The following ABCA4 variants were observed in gnomAD, a reference collection of about 807,000 sequenced individuals.
ABCA4 encodes ATP binding cassette subfamily A member 4.
A neutral mutation model predicts 263.7 loss-of-function variants in ABCA4; 196 were observed. That is an observed-to-expected ratio of 0.74 (90% CI 0.66 to 0.84). ABCA4 has a LOEUF of 0.84. ABCA4 is among the 40% of genes least tolerant of loss of function. The pLI is 0.00. For synonymous variants in ABCA4, 1,133 were observed against 1,094.2 expected (o/e 1.04, Z -0.70); for missense variants, 2,792 against 2,855.1 (o/e 0.98, Z 0.50).
At chr1:94,052,509 C>T (rs1224877011) in intron 16 of ABCA4, among the ~76,000 whole-genome samples, 1 of 152,204 alleles carries the variant, frequency 6.6e-6, no homozygotes, top group African/African-American at 2.4e-5. Context: ...CCTGCTGAGC[C>T]TCATGCACAG....
intron 39 of ABCA4, 24 bp from the exon 40 acceptor site, chr1:94,010,953 C>T: frequency 1.2e-6 from 2 of 1,613,972 alleles, no homozygotes; most frequent in Non-Finnish European, 1.7e-6. Context: ...GGAATTGAGT[C>T]CACTTCAGCC....
At chr1:94,073,992 G>C (rs529552624) in intron 11 of ABCA4, among the ~76,000 whole-genome samples, 1 of 152,284 alleles carries the variant, frequency 6.6e-6, no homozygotes, top group Non-Finnish European at 1.5e-5. Context: ...GGGCTTAGCA[G>C]GTAGAGGCAC....
At chr1:93,999,818 A>G (rs371332369) in intron 47 of ABCA4, among the ~76,000 whole-genome samples, 21 of 152,318 alleles carry the variant, frequency 1.4e-4, no homozygotes, top group African/African-American at 5.1e-4. Context: ...AGCTGGAGGG[A>G]AAGGAATAGG....
chr1:94,055,303 G>C lies in ABCA4; in HGVS notation c.2395C>G (p.Pro799Ala). ...ELKKAVSLLS[P>A]VAFGFGTEYL... ...TCAGTGCCAAATCCAAATGCCACCG[G>C]AGACAGTAAGCTCTGCAGTGAGGCG... is the stretch of plus-strand genomic sequence containing the variant. The change falls in exon 16 of 50, where the codon CCG becomes GCG. Residue 799 changes from proline (P) to alanine (A), a missense_variant. By Grantham distance (27) the Pro-to-Ala change is conservative. Transcript: ENST00000370225. The C allele has an allele frequency of 6.2e-7, 1 of 1,614,106 alleles. No individual in the cohort carries two copies. The highest frequency in any genetic ancestry group is 8.5e-7 in the Non-Finnish European group (1 of 1,180,018).
intron 11 of ABCA4, among the ~76,000 whole-genome samples, chr1:94,071,494 C>T (rs1001980137): frequency 2.2e-4 from 34 of 152,316 alleles, no homozygotes; most frequent in East Asian, 3.9e-4. Context: ...CTCATCAGAG[C>T]CAGGCAGCTC....
intron 32 of ABCA4, 29 bp downstream of exon 32, chr1:94,023,357 T>C: frequency 1.9e-6 from 3 of 1,574,642 alleles, no homozygotes; most frequent in Non-Finnish European, 2.6e-6. Flanking sequence ...CAATCTGAGA[T>C]TTTAATTCTG....
chr1:94,105,242 C>T (rs1445331583), intron 4 of ABCA4, among the ~76,000 whole-genome samples: 1 of 152,192 alleles, frequency 6.6e-6, no homozygotes, highest in Non-Finnish European at 1.5e-5. Flanking sequence ...GTTGTCTTGA[C>T]CTGACAGTCA....
chr1:94,072,956 G>A (rs1373098104), intron 11 of ABCA4, among the ~76,000 whole-genome samples: 1 of 152,126 alleles, frequency 6.6e-6, no homozygotes, highest in Non-Finnish European at 1.5e-5. Flanking sequence ...AGAAATGCCA[G>A]CATGGTGGTT....
At chr1:94,051,103 C>T (rs1660828732) in intron 17 of ABCA4, among the ~76,000 whole-genome samples, 1 of 152,054 alleles carries the variant, frequency 6.6e-6, no homozygotes, top group African/African-American at 2.4e-5. Flanking sequence ...AGCCTTTTTC[C>T]CCACCCCTAA....
At chr1:94,023,543 A>C (rs896448663) in intron 31 of ABCA4, 125 bp from the exon 32 acceptor site, 1 of 847,938 alleles carries the variant, frequency 1.2e-6, no homozygotes, top group African/African-American at 1.7e-5. Context: ...GCATTTTCCG[A>C]TATCCAAGCA....
At chr1:94,056,100 C>A (rs1660971220) in intron 15 of ABCA4, among the ~76,000 whole-genome samples, 1 of 152,248 alleles carries the variant, frequency 6.6e-6, no homozygotes, top group South Asian at 2.1e-4. Flanking sequence ...GAGCCTGACT[C>A]TGTGGACAGT....
rs10874825 is a variant in ABCA4, at chr1:93,998,211, C to T, written c.6480-101G>A. Reference sequence around the variant, plus strand: ...CTCATCAGAAATTTTGGGGATTAAGCTCAGCTTGGTGGCTCACACCTGAAA... The same window carrying T: ...CTCATCAGAAATTTTGGGGATTAAGTTCAGCTTGGTGGCTCACACCTGAAA... On this transcript the variant is annotated intron_variant, in intron 47 of 49. Coordinates refer to ENST00000370225, the MANE Select transcript of ABCA4 (RefSeq NM_000350.3). 112,892 of 1,545,220 alleles carry T rather than the reference C, an allele frequency of 0.073. 6,337 individuals are homozygous for T. The highest frequency in any genetic ancestry group is 0.3 in the African/African-American group (22,042 of 73,592).
chr1:93,998,829 C>T (rs962268099), intron 47 of ABCA4, among the ~76,000 whole-genome samples: 3 of 151,222 alleles, frequency 2.0e-5, no homozygotes, highest in Non-Finnish European at 2.9e-5. Context: ...ACCTCCGCCT[C>T]CTGGGTTCAA....
intron 40 of ABCA4, 65 bp downstream of exon 40, chr1:94,010,735 G>T: frequency 6.2e-7 from 1 of 1,609,580 alleles, no homozygotes; most frequent in Non-Finnish European, 8.5e-7. Flanking sequence ...ATGACCATGT[G>T]GGTATAAGGT....
intron 43 of ABCA4, among the ~76,000 whole-genome samples, chr1:94,006,824 G>A (rs1411255661): frequency 1.3e-5 from 2 of 152,206 alleles, no homozygotes; most frequent in Non-Finnish European, 2.9e-5. Flanking sequence ...GATGTCAGCA[G>A]CACCTAACTC....
intron 49 of ABCA4, among the ~76,000 whole-genome samples, chr1:93,994,890 A>G (rs1658955796): frequency 6.6e-6 from 1 of 152,242 alleles, no homozygotes; most frequent in Non-Finnish European, 1.5e-5. Flanking sequence ...AAGAGGGAAC[A>G]TGCCAGGCAG....
intron 5 of ABCA4, among the ~76,000 whole-genome samples, chr1:94,101,402 G>T (rs1662284767): frequency 6.6e-6 from 1 of 152,232 alleles, no homozygotes; most frequent in African/African-American, 2.4e-5. Context: ...CCTGGGCACT[G>T]CAGGCGCCAA....
At chr1:94,080,133 G>A (rs1661650434) in intron 8 of ABCA4, among the ~76,000 whole-genome samples, 1 of 152,160 alleles carries the variant, frequency 6.6e-6, no homozygotes, top group African/African-American at 2.4e-5. Flanking sequence ...ACTTGCCAGG[G>A]CCCTTCTGAC....
intron 47 of ABCA4, 29 bp from the exon 48 acceptor site, chr1:93,998,139 C>A (rs1557757776): frequency 1.9e-6 from 3 of 1,613,800 alleles, no homozygotes; most frequent in African/African-American, 1.3e-5. Flanking sequence ...GCAGGACAGG[C>A]CTCTGTTAGT....
Sources: allele counts gnomAD v4.1 joint callset (sites outside exome capture counted in the v4.1 genomes callset), GRCh38; gene constraint gnomAD v4.1.1; transcripts MANE v1.5; gene names NCBI Gene and HGNC (gene_info 2026-07-23, HGNC 2026-07-21).